BABAM2: variants seen among roughly 807,000 people sequenced by gnomAD.
The protein encoded by BABAM2 is BRISC and BRCA1-A complex member 2.
BABAM2 carries 31 observed loss-of-function variants against 54.7 expected under a neutral mutation model. The observed-to-expected ratio is 0.57, with a 90% CI of 0.43 to 0.77. The LOEUF is 0.77. Ranked by LOEUF, BABAM2 falls within the 30% of genes least tolerant of loss-of-function variation. The pLI, the probability that BABAM2 is intolerant of heterozygous loss-of-function variation, is 0.00. For synonymous variants in BABAM2, 167 were observed against 162.9 expected (o/e 1.03, Z -0.19); for missense variants, 364 against 455.8 (o/e 0.80, Z 1.83).
At chr2:28,187,379 G>A (rs559454667) in intron 7 of BABAM2, among the ~76,000 whole-genome samples, 1 of 152,156 alleles carries the variant, frequency 6.6e-6, no homozygotes, top group African/African-American at 2.4e-5. Flanking sequence ...TGTTGCATGA[G>A]TGGATTCTTA....
At chr2:28,076,481 T>TTTAG (rs148940632) in intron 6 of BABAM2, among the ~76,000 whole-genome samples, 1,749 of 146,516 alleles carry the variant, frequency 0.012, 23 homozygotes, top group African/African-American at 0.042. Flanking sequence ...TATTTATTTA[T>TTTAG]TTAGTTAGTT....
chr2:28,019,446 C>G (rs1469468798), intron 4 of BABAM2, among the ~76,000 whole-genome samples: 1 of 151,966 alleles, frequency 6.6e-6, no homozygotes, highest in Non-Finnish European at 1.5e-5. Flanking sequence ...TGTGGGTTGT[C>G]TGTTTACTCT....
At chr2:28,126,374 A>G (rs1363431268) in intron 6 of BABAM2, among the ~76,000 whole-genome samples, 81 of 143,422 alleles carry the variant, frequency 5.6e-4, no homozygotes, top group African/African-American at 2.1e-3. Context: ...GTTCCCACCT[A>G]TGAGTGAGAA....
chr2:28,018,060 G>A, intron 4 of BABAM2, among the ~76,000 whole-genome samples: 1 of 152,122 alleles, frequency 6.6e-6, no homozygotes, highest in Admixed American at 6.5e-5. Flanking sequence ...AAATTCTTTA[G>A]TGGCAATTTC....
intron 6 of BABAM2, among the ~76,000 whole-genome samples, chr2:28,097,680 CTG>C: frequency 6.6e-6 from 1 of 152,204 alleles, no homozygotes; most frequent in South Asian, 2.1e-4. Context: ...TTGAAAATGT[CTG>C]TGATAATATT....
At chr2:27,920,439 G>T (rs1462458255) in intron 2 of BABAM2, among the ~76,000 whole-genome samples, 1 of 152,166 alleles carries the variant, frequency 6.6e-6, no homozygotes, top group East Asian at 1.9e-4. Context: ...GATAATTTTT[G>T]AAACTGAGTA....
Position 28,198,458 on chromosome 2 carries a change from G to A in BABAM2, c.681-38744G>A, listed in dbSNP as rs533115237. On this transcript the variant is annotated intron_variant, in intron 7 of 11. Transcript: ENST00000379624. ...TGGGATTACAGGCGTGAGCCACCGC[G>A]CCTGGCCAGGACAGCTTTAAAGGAA... Among the ~76,000 whole-genome samples, 16 of 152,176 alleles carry A rather than the reference G, an allele frequency of 1.1e-4. No individual in the cohort carries two copies. In the East Asian group the frequency reaches 2.5e-3, roughly 24 times the overall value.
At chr2:28,150,926 C>A (rs1289871065) in intron 7 of BABAM2, among the ~76,000 whole-genome samples, 1 of 152,190 alleles carries the variant, frequency 6.6e-6, no homozygotes, top group African/African-American at 2.4e-5. Flanking sequence ...TCTCGCTACT[C>A]AATGTCCTTG....
intron 10 of BABAM2, among the ~76,000 whole-genome samples, chr2:28,274,558 A>G (rs1236989245): frequency 6.6e-6 from 1 of 152,166 alleles, no homozygotes; most frequent in African/African-American, 2.4e-5. Context: ...CCCCTATGCC[A>G]GTAGCTGGGA....
intron 11 of BABAM2, among the ~76,000 whole-genome samples, chr2:28,328,476 C>T (rs900210758): frequency 6.6e-6 from 1 of 152,190 alleles, no homozygotes. Context: ...CCCTGAACCA[C>T]TTCTCCTACC....
rs543123253 is a variant in BABAM2, at chr2:28,304,087, C to T, written c.1088+5596C>T. On this transcript the variant is annotated intron_variant, in intron 11 of 11. Transcript: ENST00000379624. This position sits in a 1 kb window ranked among gnomAD's most constrained non-coding sequence, Gnocchi z 4.0. ...TTTATTTTTTTGAGACAAAGTTTTG[C>T]TTTTATCACCCAGGCTGGAGTGCAA... Among the ~76,000 whole-genome samples the T allele has an allele frequency of 1.3e-5, 2 of 152,068 alleles. No homozygotes were observed. Among genetic ancestry groups the T allele is most frequent in the South Asian group, 4.2e-4 (2 of 4,818 alleles).
intron 11 of BABAM2, among the ~76,000 whole-genome samples, chr2:28,334,389 C>T (rs183159003): frequency 6.6e-6 from 1 of 152,244 alleles, no homozygotes; most frequent in African/African-American, 2.4e-5. Context: ...GCGTCCAGGG[C>T]AGCAGTGGCT....
chr2:28,238,942 T>G (rs902456859), intron 8 of BABAM2, among the ~76,000 whole-genome samples: 1 of 152,210 alleles, frequency 6.6e-6, no homozygotes, highest in Non-Finnish European at 1.5e-5. Flanking sequence ...GAAATTGATG[T>G]TCTTCTGTTT....
At chr2:28,324,815 A>G (rs533278212) in intron 11 of BABAM2, among the ~76,000 whole-genome samples, 2 of 152,272 alleles carry the variant, frequency 1.3e-5, no homozygotes, top group Non-Finnish European at 2.9e-5. Flanking sequence ...CAAGAAAGAA[A>G]AGAAAAGAAA....
intron 6 of BABAM2, among the ~76,000 whole-genome samples, chr2:28,047,435 C>T (rs1197097342): frequency 6.6e-6 from 1 of 152,170 alleles, no homozygotes; most frequent in Non-Finnish European, 1.5e-5. Flanking sequence ...CCACAATTTA[C>T]AGTTACAGTG....
intron 6 of BABAM2, among the ~76,000 whole-genome samples, chr2:28,112,147 T>TTCTTTCTTTCTTTCTTTCCCTCCCTCCC (rs1558346715): frequency 1.9e-4 from 1 of 5,240 alleles, no homozygotes; most frequent in Non-Finnish European, 3.2e-4. Flanking sequence ...CTTTCTTTCT[T>TTCTTTCTTTCTTTCTTTCCCTCCCTCCC]TACCTCCCTC....
At chr2:28,128,868 G>A (rs191560659) in intron 6 of BABAM2, among the ~76,000 whole-genome samples, 39 of 150,800 alleles carry the variant, frequency 2.6e-4, no homozygotes, top group African/African-American at 8.7e-4. Flanking sequence ...ACAACATACT[G>A]TCAAGGTAGG....
rs377192899 is a variant in BABAM2, at chr2:28,236,062, TATAA to T, written c.681-1131_681-1128del. Among the ~76,000 whole-genome samples, 529 of 152,284 alleles carry T rather than the reference TATAA, an allele frequency of 3.5e-3. 3 individuals carry two copies. The highest frequency in any genetic ancestry group is 0.012 in the African/African-American group (514 of 41,552). On this transcript the variant is annotated intron_variant, in intron 7 of 11. Transcript: ENST00000379624. ...AGGGTCTTGGATAATAATCCAACAT[TATAA>T]ATAAATAATCACAACATTAAGAAGT... is the stretch of plus-strand genomic sequence containing the variant.
chr2:27,915,867 T>C (rs1438103676), intron 2 of BABAM2, among the ~76,000 whole-genome samples: 1 of 152,202 alleles, frequency 6.6e-6, no homozygotes, highest in Non-Finnish European at 1.5e-5. Flanking sequence ...CATTTTCTTT[T>C]TGTTTCTTCT....
Sources: gnomAD v4.1 joint callset for allele counts (sites outside exome capture counted in the v4.1 genomes callset) on GRCh38, gnomAD v4.1.1 for gene constraint, Gnocchi (gnomAD v3.1) non-coding constraint, MANE v1.5 for transcripts, NCBI Gene and HGNC (gene_info 2026-07-23, HGNC 2026-07-21) for gene names.